VPS37A: variants seen among roughly 807,000 people sequenced by gnomAD.
The protein encoded by VPS37A is vacuolar protein sorting-associated protein 37A.
VPS37A carries 30 observed loss-of-function variants against 49.8 expected under a neutral mutation model. The observed-to-expected ratio is 0.60, with a 90% CI of 0.45 to 0.82. VPS37A has a LOEUF of 0.82. Among genes scored for constraint, VPS37A ranks in the 40% least tolerant of loss-of-function variants. The pLI, the probability that VPS37A is intolerant of heterozygous loss-of-function variation, is 0.00. For missense variants in VPS37A, 593 were observed against 464.4 expected, an observed-to-expected ratio of 1.28 and a Z score of -2.55; for synonymous variants, 195 against 160.6, an observed-to-expected ratio of 1.21 and a Z score of -1.62.
chr8:17,298,524 G>A (rs563313007), downstream of VPS37A: 9 of 152,084 alleles, frequency 5.9e-5, no homozygotes, highest in South Asian at 2.1e-4. Flanking sequence ...TCATTTCAGC[G>A]AAATGTAATA....
At chr8:17,309,436 C>T in the VPS37A span, 12 of 752,770 alleles carry the variant, frequency 1.6e-5, no homozygotes, top group South Asian at 7.5e-5. Flanking sequence ...TCCCCATCCT[C>T]GAGTAACCTG....
At chr8:17,293,451 C>G (rs1481161817) in intron 11 of VPS37A, among the ~76,000 whole-genome samples, 1 of 152,106 alleles carries the variant, frequency 6.6e-6, no homozygotes, top group Non-Finnish European at 1.5e-5. Context: ...CTGAAGCCTA[C>G]TTCTGTCAAT....
intron 1 of VPS37A, among the ~76,000 whole-genome samples, chr8:17,252,009 C>G (rs1236797664): frequency 2.0e-5 from 3 of 152,106 alleles, no homozygotes; most frequent in African/African-American, 4.8e-5. Flanking sequence ...TCATTCTCAG[C>G]TCATGAGGAC....
intron 6 of VPS37A, 70 bp from the exon 7 acceptor site, chr8:17,279,958 T>G (rs1156284866): frequency 6.3e-7 from 1 of 1,598,726 alleles, no homozygotes; most frequent in Admixed American, 1.7e-5. Context: ...GCTGAAAAAT[T>G]GTAAATAGTT....
the VPS37A span, among the ~76,000 whole-genome samples, chr8:17,329,123 A>G: frequency 0.34 from 51,085 of 152,086 alleles, 10,334 homozygotes; most frequent in African/African-American, 0.55. Flanking sequence ...AATAATAATC[A>G]TGAATGAAAC....
the VPS37A span, among the ~76,000 whole-genome samples, chr8:17,325,305 C>G: frequency 6.6e-6 from 1 of 152,168 alleles, no homozygotes; most frequent in Admixed American, 6.5e-5. Context: ...ACGACAACTC[C>G]AAGTGCTCTG....
chr8:17,330,860 A>G, the VPS37A span, among the ~76,000 whole-genome samples: 1 of 152,206 alleles, frequency 6.6e-6, no homozygotes, highest in African/African-American at 2.4e-5. Flanking sequence ...ATGGGGATCA[A>G]ACTAACATTA....
At chr8:17,303,944 C>T (rs576776856), downstream of VPS37A, among the ~76,000 whole-genome samples, 94 of 152,284 alleles carry the variant, frequency 6.2e-4, no homozygotes, top group African/African-American at 2.1e-3. Flanking sequence ...AAAAAGGCAA[C>T]CTATTACGTT....
rs775721775 is a variant in VPS37A at position 17,296,606 on chromosome 8, C to T, written c.*1620C>T. 1.3e-5 allele frequency: 2 copies of T among 152,084 alleles called. No individual in the cohort carries two copies. The highest frequency in any genetic ancestry group is 6.6e-5 in the Admixed American group (1 of 15,264). The allele number at this position is 152,084 out of a possible 1,614,324, so 9.4% of individuals were successfully genotyped here. On this transcript the variant is annotated 3_prime_UTR_variant, in exon 12 of 12. Transcript: ENST00000324849. The stretch of plus-strand genomic sequence containing the variant: ...ATAACAAGGGAGGAGCATACCACAG[C>T]CCCTCATTTGATTAATTCATTTGAT...
At chr8:17,273,995 T>C (rs983511721) in intron 4 of VPS37A, among the ~76,000 whole-genome samples, 1 of 152,248 alleles carries the variant, frequency 6.6e-6, no homozygotes, top group African/African-American at 2.4e-5. Flanking sequence ...ATTATTCATA[T>C]ATTGTATTTA....
At chr8:17,300,096 A>C (rs145244130), downstream of VPS37A, 6,064 of 1,614,040 alleles carry the variant, frequency 3.8e-3, 17 homozygotes, top group Non-Finnish European at 4.7e-3. Context: ...TCATATTCCC[A>C]CTGTAATCCT....
the VPS37A span, among the ~76,000 whole-genome samples, chr8:17,322,483 A>C: frequency 6.6e-6 from 1 of 152,190 alleles, no homozygotes; most frequent in Non-Finnish European, 1.5e-5. Context: ...TGGTAAGGAA[A>C]AGTGAGTATT....
At chr8:17,306,314 G>T (rs1817452529), downstream of VPS37A, among the ~76,000 whole-genome samples, 1 of 151,918 alleles carries the variant, frequency 6.6e-6, no homozygotes, top group South Asian at 2.1e-4. Flanking sequence ...CGGGTGAGAA[G>T]AAATGTCCAG....
the VPS37A span, among the ~76,000 whole-genome samples, chr8:17,317,065 T>C: frequency 6.6e-6 from 1 of 152,252 alleles, no homozygotes; most frequent in Non-Finnish European, 1.5e-5. Flanking sequence ...AGAATATTAA[T>C]GGCAGTTTTT....
intron 11 of VPS37A, among the ~76,000 whole-genome samples, chr8:17,288,694 C>T (rs1815853264): frequency 1.3e-5 from 2 of 152,004 alleles, no homozygotes; most frequent in Middle Eastern, 3.2e-3. Flanking sequence ...TGTGCATGCG[C>T]CTTTATAGGA....
chr8:17,300,728 C>G (rs1168221497), downstream of VPS37A, among the ~76,000 whole-genome samples: 1 of 152,180 alleles, frequency 6.6e-6, no homozygotes, highest in African/African-American at 2.4e-5. Flanking sequence ...TCATCACCTC[C>G]CCTGCCGAAA....
chr8:17,305,745 C>A, downstream of VPS37A: 1 of 1,595,552 alleles, frequency 6.3e-7, no homozygotes, highest in South Asian at 1.1e-5. Flanking sequence ...CCAAAAACAC[C>A]AAAACACTTA....
chr8:17,255,646 A>G (rs1479726713), intron 1 of VPS37A, among the ~76,000 whole-genome samples: 1 of 152,166 alleles, frequency 6.6e-6, no homozygotes, highest in South Asian at 2.1e-4. Flanking sequence ...TACAAACACT[A>G]GGTCTTATTT....
Position 17,280,530 on chromosome 8 carries a change from A to G in VPS37A, c.969+87A>G. The G allele has an allele frequency of 3.2e-6, 4 of 1,265,750 alleles. No homozygotes were observed. The South Asian group carries it at 6.1e-5, about 19-fold the overall frequency. The allele number at this position is 1,265,750 out of a possible 1,614,324, so 78.4% of individuals were successfully genotyped here. ...TCCTGATCTCACTTTCATTATCATC[A>G]GAAACCATTTATGAGGTATCTGACC... On this transcript the variant is annotated intron_variant, in intron 9 of 11. Transcript: ENST00000324849.
Sources: allele counts gnomAD v4.1 joint callset (sites outside exome capture counted in the v4.1 genomes callset), GRCh38; gene constraint gnomAD v4.1.1; transcripts MANE v1.5; gene names NCBI Gene and HGNC (gene_info 2026-07-23, HGNC 2026-07-21).